BTAF1: variants seen among roughly 807,000 people sequenced by gnomAD.
The protein encoded by BTAF1 is B-TFIID TATA-box binding protein associated factor 1.
A neutral mutation model predicts 227.1 loss-of-function variants in BTAF1; 38 were observed. That is an observed-to-expected ratio of 0.17 (90% confidence interval 0.13 to 0.22). BTAF1 has a LOEUF of 0.22. Ranked by LOEUF, BTAF1 falls within the 10% of genes least tolerant of loss-of-function variation. The pLI, the probability that BTAF1 is intolerant of heterozygous loss-of-function variation, is 1.00. For synonymous variants in BTAF1, 742 were observed against 751.9 expected (o/e 0.99, Z 0.21); for missense variants, 1,598 against 2,204.0 (o/e 0.73, Z 5.51).
chr10:91,923,818 C>G lies in BTAF1; in HGVS notation c.-259C>G. The G allele has an allele frequency of 4.7e-6, 2 of 424,320 alleles. No individual in the cohort carries two copies. Among genetic ancestry groups the G allele is most frequent in the Non-Finnish European group, 8.4e-6 (2 of 238,998 alleles). The allele number at this position is 424,320 out of a possible 1,614,324, so 26.3% of individuals were successfully genotyped here. A position where few individuals can be genotyped will look rare whatever the true frequency, so the allele number is the denominator to read the frequency against. ...TCAGCAAAGAGCGGAGCTGAGGGTA[C>G]CCGGTTTGAAGTCGTGCGGGTCGGA... On this transcript the variant is annotated 5_prime_UTR_variant, in exon 1 of 38. Coordinates refer to ENST00000265990, the MANE Select transcript of BTAF1 (RefSeq NM_003972.3).
intron 25 of BTAF1, among the ~76,000 whole-genome samples, chr10:92,003,622 A>G (rs1188386515): frequency 1.3e-5 from 2 of 152,222 alleles, no homozygotes; most frequent in South Asian, 2.1e-4. Context: ...ATATAGATAC[A>G]CTACAGTTTC....
chr10:91,981,748 C>G lies in BTAF1; in HGVS notation c.1861C>G (p.Pro621Ala). The change falls in exon 16 of 38, where the codon CCT becomes GCT. Residue 621 changes from proline (P) to alanine (A), a missense_variant. Physicochemically the swap from Pro to Ala is conservative, Grantham distance 27. Transcript: ENST00000265990. ...CTTGATGATGCAGCCTTCTCATTTA[C>G]CTATCGATTTAAATATGTTGCTAGA... ...LCLMMQPSHL[P>A]IDLNMLLEVK... The G allele has an allele frequency of 6.2e-7, 1 of 1,613,730 alleles. No individual in the cohort carries two copies. Among genetic ancestry groups the G allele is most frequent in the South Asian group, 1.1e-5 (1 of 91,056 alleles).
At position 92,029,711 on chromosome 10, in the gene BTAF1, C is replaced by CAT. The variant is rs1452218292; in HGVS notation, c.*780_*781dup. On this transcript the variant is annotated 3_prime_UTR_variant, in exon 38 of 38. Coordinates refer to ENST00000265990, the MANE Select transcript of BTAF1 (RefSeq NM_003972.3). The stretch of plus-strand genomic sequence containing the variant: ...ATAATATATTTTTTGTAACTATGAA[C>CAT]ATACACAGTTTTCCAGAAATAGATT... The CAT allele has an allele frequency of 5.9e-5, 9 of 151,910 alleles. No individual in the cohort carries two copies. The highest frequency in any genetic ancestry group is 1.9e-4 in the African/African-American group (8 of 41,466). 9.4% of individuals were successfully genotyped at this position (151,910 alleles called of 1,614,324 possible). A position where few individuals can be genotyped will look rare whatever the true frequency, so the allele number is the denominator to read the frequency against.
At chr10:92,022,903 A>G (rs833366) in intron 34 of BTAF1, among the ~76,000 whole-genome samples, 48,538 of 152,000 alleles carry the variant, frequency 0.32, 8,881 homozygotes, top group South Asian at 0.52. Flanking sequence ...ATATTCTACT[A>G]TATAATAAAA....
At chr10:92,005,737 A>G (rs2134090978) in intron 25 of BTAF1, among the ~76,000 whole-genome samples, 1 of 152,320 alleles carries the variant, frequency 6.6e-6, no homozygotes, top group East Asian at 1.9e-4. Flanking sequence ...CATTTAAATA[A>G]CAAACCTACA....
At chr10:91,968,654 A>G (rs777001994) in intron 14 of BTAF1, among the ~76,000 whole-genome samples, 1 of 152,136 alleles carries the variant, frequency 6.6e-6, no homozygotes, top group Admixed American at 6.5e-5. Flanking sequence ...TTGTGTTTCT[A>G]CCAGCAATGA....
At position 91,966,741 on chromosome 10, in the gene BTAF1, T is replaced by C; in HGVS notation, c.1634T>C (p.Leu545Ser). ...GCATTGGAAACTCTGTTTACGTTATTATCAACACAGGACCAGGTAAGAACT... is the reference window on the plus strand; with the variant it reads ...GCATTGGAAACTCTGTTTACGTTATCATCAACACAGGACCAGGTAAGAACT... ...RAALETLFTL[L>S]STQDQNSSSW... The change falls in exon 14 of 38, where the codon TTA becomes TCA. Residue 545 changes from leucine (L) to serine (S), a missense_variant. This residue lies in a region of BTAF1 where 318 missense variants were observed against 435.0 expected (regional missense o/e 0.73). Transcript: ENST00000265990. 6.2e-7 allele frequency: 1 copy of C among 1,613,938 alleles called. No individual in the cohort carries two copies. The highest frequency in any genetic ancestry group is 8.5e-7 in the Non-Finnish European group (1 of 1,179,896).
intron 34 of BTAF1, among the ~76,000 whole-genome samples, chr10:92,022,915 T>C (rs865995426): frequency 1.3e-5 from 2 of 152,120 alleles, no homozygotes; most frequent in Admixed American, 6.6e-5. Context: ...ATAATAAAAA[T>C]CTCAAACTTT....
At position 92,027,009 on chromosome 10, in the gene BTAF1, A is replaced by G. The variant is rs561855023; in HGVS notation, c.5236-121A>G. On this transcript the variant is annotated intron_variant, in intron 36 of 37. Coordinates refer to ENST00000265990, the MANE Select transcript of BTAF1 (RefSeq NM_003972.3). ...ACATTTTGAGCTCATGTGGCCAGAC[A>G]AAATAAAAATCCAACCCTAATTAGG... 5.7e-5 allele frequency: 63 copies of G among 1,105,144 alleles called. No homozygotes were observed. In the East Asian group the frequency reaches 1.6e-3, roughly 28 times the overall value. The allele number at this position is 1,105,144 out of a possible 1,614,324, so 68.5% of individuals were successfully genotyped here.
intron 1 of BTAF1, among the ~76,000 whole-genome samples, chr10:91,932,613 A>G (rs1326123991): frequency 6.6e-6 from 1 of 152,232 alleles, no homozygotes; most frequent in East Asian, 1.9e-4. Flanking sequence ...ATTAGACCTC[A>G]TGTGACAAAT....
chr10:91,989,982 A>G (rs899190242), intron 20 of BTAF1, among the ~76,000 whole-genome samples: 2 of 152,244 alleles, frequency 1.3e-5, no homozygotes, highest in African/African-American at 2.4e-5. Flanking sequence ...AAAAGTCATT[A>G]TAAAATCTCT....
At chr10:92,006,664 G>C (rs911335512) in intron 25 of BTAF1, among the ~76,000 whole-genome samples, 1 of 152,148 alleles carries the variant, frequency 6.6e-6, no homozygotes, top group African/African-American at 2.4e-5. Flanking sequence ...AGCTTCTCTT[G>C]AAAATATGAA....
At chr10:91,948,107 C>T (rs572726079) in intron 4 of BTAF1, among the ~76,000 whole-genome samples, 1 of 152,166 alleles carries the variant, frequency 6.6e-6, no homozygotes, top group South Asian at 2.1e-4. Context: ...TTGCTGCACG[C>T]ATTAACTCGT....
chr10:92,025,214 A>T (rs1851414536), intron 35 of BTAF1, among the ~76,000 whole-genome samples: 1 of 152,160 alleles, frequency 6.6e-6, no homozygotes, highest in Non-Finnish European at 1.5e-5. Flanking sequence ...AAAGAAATTT[A>T]AGGCATCAAC....
intron 15 of BTAF1, among the ~76,000 whole-genome samples, 199 bp from the exon 16 acceptor site, chr10:91,981,444 C>G (rs1037782060): frequency 6.6e-6 from 1 of 151,508 alleles, no homozygotes; most frequent in Non-Finnish European, 1.5e-5. Context: ...AAAAAACTTT[C>G]CTTTGCATGA....
chr10:91,924,176 C>T, intron 1 of BTAF1, 86 bp downstream of exon 1: 1 of 1,535,588 alleles, frequency 6.5e-7, no homozygotes, highest in Non-Finnish European at 8.8e-7. Context: ...TAGAGAAGAG[C>T]GGTTCTCATT....
Position 91,982,241 on chromosome 10 carries a change from G to T in BTAF1, c.2048+16G>T, listed in dbSNP as rs745715457. 1 of 1,613,742 alleles carries T rather than the reference G, an allele frequency of 6.2e-7. No homozygotes were observed. The highest frequency in any genetic ancestry group is 8.5e-7 in the Non-Finnish European group (1 of 1,179,770). ...TGGCAGCCAAGTGAGTGTACATTAAGTGTCAGGTAGTCATACATTTACAAG... is the reference window on the plus strand; with the variant it reads ...TGGCAGCCAAGTGAGTGTACATTAATTGTCAGGTAGTCATACATTTACAAG... On this transcript the variant is annotated intron_variant, in intron 17 of 37. Transcript: ENST00000265990.
rs140007242 is a variant in BTAF1, at chr10:92,007,800, C to G, written c.3661-323C>G. On this transcript the variant is annotated intron_variant, in intron 25 of 37. Transcript: ENST00000265990. ...TTTGAGAGCTAATACCCTAGGGTAT[C>G]AGAACACTAAAATTGAGAAGTGCCA... is the stretch of plus-strand genomic sequence containing the variant. Among the ~76,000 whole-genome samples, 139 of 152,310 alleles carry G rather than the reference C, an allele frequency of 9.1e-4. 1 individual carries two copies. The highest frequency in any genetic ancestry group is 3.2e-3 in the African/African-American group (135 of 41,576).
intron 35 of BTAF1, 122 bp downstream of exon 35, chr10:92,025,089 C>A: frequency 3.7e-6 from 3 of 800,716 alleles, no homozygotes; most frequent in Non-Finnish European, 5.8e-6. Flanking sequence ...TTGTGTAATT[C>A]ACCCCAAATA....
Sources: allele counts gnomAD v4.1 joint callset (sites outside exome capture counted in the v4.1 genomes callset), GRCh38; gene constraint gnomAD v4.1.1; regional missense constraint gnomAD v4.1.1; transcripts MANE v1.5; gene names NCBI Gene and HGNC (gene_info 2026-07-23, HGNC 2026-07-21).